ARMC2: variants seen among roughly 807,000 people sequenced by gnomAD.
ARMC2 encodes armadillo repeat containing 2, also known as armadillo repeat-containing protein 2.
ARMC2 carries 67 observed loss-of-function variants against 90.3 expected under a neutral mutation model. That is an observed-to-expected ratio of 0.74 (90% CI 0.61 to 0.91). The LOEUF is 0.91. Ranked by LOEUF, ARMC2 falls within the 40% of genes least tolerant of loss-of-function variation. The pLI, the probability that ARMC2 is intolerant of heterozygous loss-of-function variation, is 0.00. For synonymous variants in ARMC2, 393 were observed against 393.0 expected (o/e 1.00, Z 0.00); for missense variants, 920 against 1,030.9 (o/e 0.89, Z 1.47).
chr6:108,962,058 G>T lies in ARMC2; in HGVS notation c.2083G>T (p.Glu695Ter). ...CAGTAACAACATGGATGGAATCCTG[G>T]AGGCTGTGCGTGTTTTCGGAAATCT... ...LVSNNMDGILEAVRVFGNLSQ... is the reference protein window; with the variant it reads ...LVSNNMDGIL Residue 695 changes from glutamate to a stop codon, truncating the protein, a stop_gained, in exon 15 of 18, where the codon GAG becomes TAG. Coordinates refer to ENST00000392644, the MANE Select transcript of ARMC2 (RefSeq NM_032131.6). LOFTEE classifies it high-confidence loss of function. 6.2e-7 allele frequency: 1 copy of T among 1,613,588 alleles called. No individual in the cohort carries two copies. Among genetic ancestry groups the T allele is most frequent in the Non-Finnish European group, 8.5e-7 (1 of 1,179,780 alleles).
At chr6:108,975,196 C>T (rs182037803), downstream of ARMC2, among the ~76,000 whole-genome samples, 243 of 152,132 alleles carry the variant, frequency 1.6e-3, no homozygotes, top group Admixed American at 3.6e-3. Flanking sequence ...TGATGTTCCC[C>T]TCTGTGTGTC....
At chr6:108,983,559 T>C in the ARMC2 span, among the ~76,000 whole-genome samples, 1 of 152,350 alleles carries the variant, frequency 6.6e-6, no homozygotes, top group Admixed American at 6.5e-5. Flanking sequence ...GATTTGGCCA[T>C]ATATGTGAGA....
rs569675494 is a variant in ARMC2, at chr6:108,883,713, A to T, written c.671+7363A>T. Among the ~76,000 whole-genome samples, 219 of 152,304 alleles carry T rather than the reference A, an allele frequency of 1.4e-3. 1 individual carries two copies. The highest frequency in any genetic ancestry group is 5.1e-3 in the African/African-American group (214 of 41,566). On this transcript the variant is annotated intron_variant, in intron 5 of 17. Coordinates refer to ENST00000392644, the MANE Select transcript of ARMC2 (RefSeq NM_032131.6). ...AGACCCATTCATCTGAAGTTCTACA[A>T]TTCCTTCAGTTTCACCTCAATTTCT...
At chr6:108,971,443 C>T (rs1778758514) in intron 17 of ARMC2, among the ~76,000 whole-genome samples, 1 of 152,138 alleles carries the variant, frequency 6.6e-6, no homozygotes, top group Non-Finnish European at 1.5e-5. Flanking sequence ...TAGTTGACCA[C>T]TTGGTTGTGA....
At chr6:108,923,618 C>CTT (rs35715301) in intron 10 of ARMC2, among the ~76,000 whole-genome samples, 61 of 137,252 alleles carry the variant, frequency 4.4e-4, no homozygotes, top group South Asian at 1.4e-3. Context: ...TCCCCACACC[C>CTT]TTTTTTTTTT....
At chr6:108,949,027 A>T (rs1776993123) in intron 12 of ARMC2, among the ~76,000 whole-genome samples, 1 of 152,018 alleles carries the variant, frequency 6.6e-6, no homozygotes, top group African/African-American at 2.4e-5. Context: ...GCCTAGGAAG[A>T]AAAAAAACAA....
At chr6:109,032,787 G>A in the ARMC2 span, among the ~76,000 whole-genome samples, 3 of 152,130 alleles carry the variant, frequency 2.0e-5, no homozygotes, top group East Asian at 1.9e-4. Context: ...GGGAGGGCTC[G>A]ATCAGGGTCA....
At chr6:109,052,051 A>AT in the ARMC2 span, among the ~76,000 whole-genome samples, 1 of 152,220 alleles carries the variant, frequency 6.6e-6, no homozygotes, top group Non-Finnish European at 1.5e-5. Flanking sequence ...TGCAAAAGTA[A>AT]TTGAGGTTTT....
At chr6:108,951,247 T>C (rs1177835383) in intron 12 of ARMC2, among the ~76,000 whole-genome samples, 1 of 152,164 alleles carries the variant, frequency 6.6e-6, no homozygotes, top group Non-Finnish European at 1.5e-5. Context: ...CCACATATGT[T>C]AGCCTTGTCT....
At chr6:108,984,002 G>C in the ARMC2 span, among the ~76,000 whole-genome samples, 1 of 152,314 alleles carries the variant, frequency 6.6e-6, no homozygotes, top group South Asian at 2.1e-4. Context: ...CCTGAGCTCT[G>C]CCTCCTGTCT....
chr6:108,976,313 G>A (rs12196819), downstream of ARMC2, among the ~76,000 whole-genome samples: 16,836 of 152,178 alleles, frequency 0.11, 1,035 homozygotes, highest in Middle Eastern at 0.19. Context: ...TCAGATTGTT[G>A]TAGATGTGTG....
intron 12 of ARMC2, among the ~76,000 whole-genome samples, chr6:108,951,521 A>AAT (rs1777177443): frequency 6.6e-6 from 1 of 152,188 alleles, no homozygotes; most frequent in Admixed American, 6.5e-5. Flanking sequence ...ATGTTTGGCA[A>AAT]ATGGTTTCCG....
chr6:108,907,464 T>TC (rs1772872534), intron 8 of ARMC2, among the ~76,000 whole-genome samples: 1 of 124,258 alleles, frequency 8.0e-6, no homozygotes, highest in African/African-American at 2.7e-5. Context: ...CTTTCTTTTT[T>TC]TTTTTTTTTT....
At chr6:109,000,607 C>T in the ARMC2 span, 3 of 1,612,110 alleles carry the variant, frequency 1.9e-6, no homozygotes, top group South Asian at 3.3e-5. Context: ...TTGGGGTCCC[C>T]ACCAACATGA....
At chr6:108,911,872 C>G (rs145266918) in intron 9 of ARMC2, among the ~76,000 whole-genome samples, 117 of 152,036 alleles carry the variant, frequency 7.7e-4, no homozygotes, top group South Asian at 3.7e-3. Flanking sequence ...AAAGGATAGG[C>G]GTTATATTCA....
At chr6:108,953,429 G>C (rs1180027946) in intron 13 of ARMC2, 78 bp downstream of exon 13, 2 of 1,406,840 alleles carry the variant, frequency 1.4e-6, no homozygotes. Context: ...TGTCTGTGGT[G>C]TGATGAGGAT....
intron 6 of ARMC2, among the ~76,000 whole-genome samples, chr6:108,895,723 A>G (rs1771538245): frequency 6.6e-6 from 1 of 152,208 alleles, no homozygotes. Context: ...AGATGAAACA[A>G]GTTGCAAAAG....
intron 3 of ARMC2, among the ~76,000 whole-genome samples, 177 bp from the exon 4 acceptor site, chr6:108,868,647 T>C (rs1776075527): frequency 6.6e-6 from 1 of 152,226 alleles, no homozygotes; most frequent in Non-Finnish European, 1.5e-5. Flanking sequence ...AAGTGCTTTA[T>C]GTATACATAT....
At chr6:109,047,522 C>T in the ARMC2 span, among the ~76,000 whole-genome samples, 5 of 125,356 alleles carry the variant, frequency 4.0e-5, no homozygotes, top group East Asian at 2.4e-4. Flanking sequence ...AGGTGAGGGG[C>T]GCCTCTGCCC....
Sources: allele counts gnomAD v4.1 joint callset (sites outside exome capture counted in the v4.1 genomes callset), GRCh38; gene constraint gnomAD v4.1.1; transcripts MANE v1.5; gene names NCBI Gene and HGNC (gene_info 2026-07-23, HGNC 2026-07-21).